The following FBXW11 variants were observed in gnomAD, a reference collection of about 807,000 sequenced individuals.
FBXW11 encodes F-box/WD repeat-containing protein 11.
Under a neutral mutation model 77.6 loss-of-function variants are expected in FBXW11, and 19 were observed. That is an observed-to-expected ratio of 0.24 (90% CI 0.17 to 0.36). The LOEUF (loss-of-function observed/expected upper bound fraction) is 0.36, where lower values mean the gene tolerates loss of function less well. Ranked by LOEUF, FBXW11 falls within the 10% of genes least tolerant of loss-of-function variation. The pLI is 1.00. For synonymous variants in FBXW11, 235 were observed against 249.4 expected (o/e 0.94, Z 0.54); for missense variants, 334 against 704.2 (o/e 0.47, Z 5.95).
chr5:171,958,356 TA>T (rs1763725075), intron 1 of FBXW11, among the ~76,000 whole-genome samples: 1 of 152,066 alleles, frequency 6.6e-6, no homozygotes, highest in South Asian at 2.1e-4. Flanking sequence ...TGCACCTCCC[TA>T]AGGTAAAATC....
intron 2 of FBXW11, among the ~76,000 whole-genome samples, chr5:171,932,711 T>A (rs1440257381): frequency 1.3e-5 from 2 of 152,084 alleles, no homozygotes; most frequent in African/African-American, 2.4e-5. Context: ...CTTGTCCAAA[T>A]GAAGTGAAAA....
chr5:171,864,166 ACACTCCACTCCACCCC>A (rs966048179), intron 13 of FBXW11, 65 bp from the exon 14 acceptor site: 2 of 152,238 alleles, frequency 1.3e-5, no homozygotes, highest in African/African-American at 4.8e-5. Context: ...GAGAATACAC[ACACTCCACTCCACCCC>A]CTGCACACAG....
At position 171,996,272 on chromosome 5, in the gene FBXW11, C is replaced by T. The variant is rs1766039738; in HGVS notation, c.45+10186G>A. Among the ~76,000 whole-genome samples, 7 of 152,240 alleles carry T rather than the reference C, an allele frequency of 4.6e-5. No homozygotes were observed. The South Asian group carries it at 1.0e-3, about 23-fold the overall frequency. On this transcript the variant is annotated intron_variant, in intron 1 of 13. Transcript: ENST00000517395. ...TCATGTGAGAATGCCTCAAAGTTACCATTTGTTTTCCATATTTTACAAGCT... is the reference window on the plus strand; with the variant it reads ...TCATGTGAGAATGCCTCAAAGTTACTATTTGTTTTCCATATTTTACAAGCT...
chr5:171,866,286 T>A (rs1451757742), intron 13 of FBXW11, among the ~76,000 whole-genome samples: 10 of 150,264 alleles, frequency 6.7e-5, no homozygotes, highest in East Asian at 3.9e-4. Context: ...AAAAAAAAAA[T>A]TAGAAAAGAG....
intron 1 of FBXW11, among the ~76,000 whole-genome samples, chr5:171,997,859 C>G (rs1025046941): frequency 6.6e-6 from 1 of 152,128 alleles, no homozygotes; most frequent in African/African-American, 2.4e-5. Context: ...TGAACTTACT[C>G]GAACATAAAT....
At chr5:172,002,800 C>G (rs1421151086) in intron 1 of FBXW11, among the ~76,000 whole-genome samples, 1 of 146,974 alleles carries the variant, frequency 6.8e-6, no homozygotes, top group East Asian at 2.0e-4. Flanking sequence ...TGGGCTCAAG[C>G]AATCCTCCCC....
intron 6 of FBXW11, among the ~76,000 whole-genome samples, chr5:171,894,716 A>T (rs909354855): frequency 4.1e-5 from 6 of 146,826 alleles, no homozygotes; most frequent in Non-Finnish European, 7.5e-5. Flanking sequence ...TTCTAGAAAA[A>T]CCAGACCTTT....
At position 171,928,690 on chromosome 5, in the gene FBXW11, C is replaced by T. The variant is rs146047292; in HGVS notation, c.148-14285G>A. Reference sequence around the variant, plus strand: ...TAAAGGTCATATAATGAAACATCATCATACTTAATGTTTAAAGATGGAACA... The same window carrying T: ...TAAAGGTCATATAATGAAACATCATTATACTTAATGTTTAAAGATGGAACA... On this transcript the variant is annotated intron_variant, in intron 2 of 13. Coordinates refer to ENST00000517395, the MANE Select transcript of FBXW11 (RefSeq NM_001378974.1). Among the ~76,000 whole-genome samples, 7 of 152,326 alleles carry T rather than the reference C, an allele frequency of 4.6e-5. No homozygotes were observed. The East Asian group carries it at 1.3e-3, about 29-fold the overall frequency.
chr5:171,958,594 G>A (rs1011402843), intron 1 of FBXW11, among the ~76,000 whole-genome samples: 3 of 152,058 alleles, frequency 2.0e-5, no homozygotes, highest in African/African-American at 4.8e-5. Flanking sequence ...TTACCTCTTC[G>A]ATCCTCTTTT....
intron 2 of FBXW11, among the ~76,000 whole-genome samples, chr5:171,929,140 T>G (rs1397478678): frequency 1.3e-5 from 2 of 149,710 alleles, no homozygotes; most frequent in Non-Finnish European, 3.0e-5. Flanking sequence ...GAGGCCAAGG[T>G]GGGTGGATCA....
At chr5:171,902,796 TTAGGCCTA>T (rs1760219400) in intron 4 of FBXW11, among the ~76,000 whole-genome samples, 1 of 152,244 alleles carries the variant, frequency 6.6e-6, no homozygotes, top group Non-Finnish European at 1.5e-5. Flanking sequence ...TACAATGTAT[TTAGGCCTA>T]CTTGTCTATA....
At chr5:171,952,296 G>A (rs1038025868) in intron 2 of FBXW11, among the ~76,000 whole-genome samples, 2 of 149,974 alleles carry the variant, frequency 1.3e-5, no homozygotes, top group Non-Finnish European at 3.0e-5. Context: ...ACCAATGGAC[G>A]TTTTCTTCTT....
rs1581171115 is a variant in FBXW11, at chr5:171,899,959, A to G, written c.578T>C (p.Val193Ala). The G allele has an allele frequency of 1.4e-5, 23 of 1,613,780 alleles. No individual in the cohort carries two copies. Among genetic ancestry groups the G allele is most frequent in the Non-Finnish European group, 1.9e-5 (23 of 1,179,776 alleles). Residue 193 changes from valine to alanine, a missense_variant, in exon 5 of 14, where the codon GTA becomes GCA. Coordinates refer to ENST00000517395, the MANE Select transcript of FBXW11 (RefSeq NM_001378974.1). ...MLWKKLIERM[V>A]RTDPLWKGLS... ...TCCTTTCCATAGGGGATCAGTGCGT[A>G]CCATTCGTTCAATCAGCTTCTTCCA...
intron 2 of FBXW11, among the ~76,000 whole-genome samples, chr5:171,952,826 C>T (rs1219424595): frequency 2.6e-5 from 4 of 151,822 alleles, no homozygotes; most frequent in Non-Finnish European, 4.4e-5. Context: ...AACACAAATT[C>T]GTAAACTTTC....
At chr5:172,003,035 T>G (rs532156351) in intron 1 of FBXW11, 117 of 152,234 alleles carry the variant, frequency 7.7e-4, no homozygotes, top group African/African-American at 2.0e-3. Context: ...CCTACATTAC[T>G]TCATTGAACA....
intron 6 of FBXW11, among the ~76,000 whole-genome samples, chr5:171,897,291 A>G (rs1419622561): frequency 1.3e-5 from 2 of 152,194 alleles, no homozygotes; most frequent in African/African-American, 2.4e-5. Context: ...CACATATATC[A>G]AAGTATAAAC....
In FBXW11 at chr5:171,986,004, T is replaced by C. The variant is rs922591991; in HGVS notation, c.45+20454A>G. Among the ~76,000 whole-genome samples the C allele has an allele frequency of 1.4e-3, 216 of 152,292 alleles. 2 individuals are homozygous for C. The highest frequency in any genetic ancestry group is 5.2e-3 in the African/African-American group (216 of 41,568). On this transcript the variant is annotated intron_variant, in intron 1 of 13. Transcript: ENST00000517395. ...ATTAGATAAAGTGAAATTGGTCTCATAGGAGTTACGTACAGGAAAGTACAA... is the reference window on the plus strand; with the variant it reads ...ATTAGATAAAGTGAAATTGGTCTCACAGGAGTTACGTACAGGAAAGTACAA...
chr5:171,868,415 A>G (rs73328096), intron 13 of FBXW11, among the ~76,000 whole-genome samples, 195 bp downstream of exon 13: 6,387 of 152,230 alleles, frequency 0.042, 414 homozygotes, highest in African/African-American at 0.15. Flanking sequence ...AACCCACACA[A>G]TAGGCAGGAT....
intron 1 of FBXW11, among the ~76,000 whole-genome samples, chr5:171,976,243 T>C (rs1367920667): frequency 2.6e-5 from 4 of 152,198 alleles, no homozygotes; most frequent in Non-Finnish European, 5.9e-5. Flanking sequence ...TTTCAACTTC[T>C]GAAAGAAGTT....
Sources: gnomAD v4.1 joint callset for allele counts (sites outside exome capture counted in the v4.1 genomes callset) on GRCh38, gnomAD v4.1.1 for gene constraint, MANE v1.5 for transcripts, NCBI Gene and HGNC (gene_info 2026-07-23, HGNC 2026-07-21) for gene names.